The following BBX variants were observed in gnomAD, a reference collection of about 807,000 sequenced individuals.
The protein encoded by BBX is BBX high mobility group box domain containing.
In BBX, 30 loss-of-function variants were observed where a neutral mutation model predicts 100.2. That is an observed-to-expected ratio of 0.30 (90% CI 0.22 to 0.41). BBX has a LOEUF of 0.41. Ranked by LOEUF, BBX falls within the 10% of genes least tolerant of loss-of-function variation. BBX has a pLI of 1.00. For missense variants in BBX, 1,023 were observed against 1,129.8 expected (o/e 0.91, Z 1.35); for synonymous variants, 376 against 388.1 (o/e 0.97, Z 0.37).
In BBX at chr3:107,780,259, T is replaced by C. The variant is rs147500841; in HGVS notation, c.2203+1740T>C. On this transcript the variant is annotated intron_variant, in intron 13 of 17. Transcript: ENST00000325805. ...GACAAGCCAATAAAATGGAACTTAA[T>C]TGATAGATGTGCAGGACATTATTCC... Among the ~76,000 whole-genome samples, 234 of 152,252 alleles carry C rather than the reference T, an allele frequency of 1.5e-3. 6 individuals carry two copies. In the East Asian group the frequency reaches 0.038, roughly 25 times the overall value.
intron 5 of BBX, among the ~76,000 whole-genome samples, chr3:107,727,772 A>G (rs17206415): frequency 0.11 from 16,250 of 152,220 alleles, 1,155 homozygotes; most frequent in Admixed American, 0.15. Context: ...ATTGGGTAAA[A>G]TTAAAAGCTG....
At chr3:107,751,878 T>C (rs1378550558) in intron 9 of BBX, among the ~76,000 whole-genome samples, 1 of 152,222 alleles carries the variant, frequency 6.6e-6, no homozygotes, top group African/African-American at 2.4e-5. Context: ...TCCATTAAGT[T>C]GGTCAGAATG....
At chr3:107,743,918 G>GTTTTTTTTTTTTTTTTTTTTTTTTTTTA (rs34762783) in intron 7 of BBX, among the ~76,000 whole-genome samples, 1 of 56,622 alleles carries the variant, frequency 1.8e-5, no homozygotes, top group Non-Finnish European at 3.1e-5. Context: ...TGTTTTAGTG[G>GTTTTTTTTTTTTTTTTTTTTTTTTTTTA]TTTTTTTTTT....
rs115572399 is a variant in BBX at position 107,630,070 on chromosome 3, T to C, written c.-83-15766T>C. The stretch of plus-strand genomic sequence containing the variant: ...AATACTATCAATTTTTAACACTTAG[T>C]TGTTATCACTTCAGTCCTTCTATAT... On this transcript the variant is annotated intron_variant, in intron 2 of 17. Transcript: ENST00000325805. Among the ~76,000 whole-genome samples the C allele has an allele frequency of 3.7e-3, 558 of 152,316 alleles. 1 individual carries two copies. The highest frequency in any genetic ancestry group is 6.4e-3 in the Admixed American group (98 of 15,296).
intron 7 of BBX, among the ~76,000 whole-genome samples, chr3:107,743,918 G>GTTTTTTTTTTTTTTTTTTTTTTTTTTTTT (rs34762783): frequency 1.8e-5 from 1 of 56,620 alleles, no homozygotes; most frequent in Non-Finnish European, 3.1e-5. Flanking sequence ...TGTTTTAGTG[G>GTTTTTTTTTTTTTTTTTTTTTTTTTTTTT]TTTTTTTTTT....
chr3:107,557,808 A>G (rs2107459428), intron 2 of BBX, among the ~76,000 whole-genome samples: 1 of 152,312 alleles, frequency 6.6e-6, no homozygotes, highest in Non-Finnish European at 1.5e-5. Flanking sequence ...GATTGATTTC[A>G]GTTGTTAGTG....
At chr3:107,797,337 A>AATAT (rs369837058) in intron 15 of BBX, among the ~76,000 whole-genome samples, 464 of 39,324 alleles carry the variant, frequency 0.012, 70 homozygotes, top group East Asian at 0.044. Context: ...TTTTCTTCCA[A>AATAT]ATATATATAT....
chr3:107,708,440 C>T (rs374159961), intron 3 of BBX, among the ~76,000 whole-genome samples: 1 of 152,080 alleles, frequency 6.6e-6, no homozygotes. Context: ...CTTTGGGAGG[C>T]TGAGGTGGGC....
chr3:107,598,327 C>T (rs1312148857), intron 2 of BBX, among the ~76,000 whole-genome samples: 2 of 152,150 alleles, frequency 1.3e-5, no homozygotes, highest in Admixed American at 6.6e-5. Flanking sequence ...TCTTTTCCTG[C>T]GCATGAGTCT....
chr3:107,733,669 G>T (rs1020151527), intron 7 of BBX, among the ~76,000 whole-genome samples: 1 of 152,142 alleles, frequency 6.6e-6, no homozygotes, highest in African/African-American at 2.4e-5. Context: ...TAGAGACAGG[G>T]TTTTGCCATG....
Position 107,773,139 on chromosome 3 carries a change from G to T in BBX, c.1418G>T (p.Cys473Phe). The change falls in exon 11 of 18, where the codon TGC becomes TTC. Residue 473 changes from cysteine (C) to phenylalanine (F), a missense_variant. By Grantham distance (205) the Cys-to-Phe change is radical (BLOSUM62 -2). Coordinates refer to ENST00000325805, the MANE Select transcript of BBX (RefSeq NM_001142568.3). The surrounding 1 kb of genome is among the most constrained non-coding windows in gnomAD (Gnocchi z 4.1). ...GATAAATCCACACCCAAGAAGACTT[G>T]CAAAAAGAGGCAGTCTTCGGAATCT... is the stretch of plus-strand genomic sequence containing the variant. The part of the protein sequence containing the change: ...GNDKSTPKKT[C>F]KKRQSSESDI... 6.2e-7 allele frequency: 1 copy of T among 1,614,072 alleles called. No individual in the cohort carries two copies. The highest frequency in any genetic ancestry group is 8.5e-7 in the Non-Finnish European group (1 of 1,179,996).
At chr3:107,673,796 A>G (rs766705154) in intron 3 of BBX, among the ~76,000 whole-genome samples, 18 of 152,144 alleles carry the variant, frequency 1.2e-4, no homozygotes, top group Non-Finnish European at 1.9e-4. Flanking sequence ...AACTATTTTT[A>G]AAATAAAGAA....
chr3:107,565,289 TTTC>T (rs1431775158), intron 2 of BBX, among the ~76,000 whole-genome samples: 3 of 151,798 alleles, frequency 2.0e-5, no homozygotes, highest in Non-Finnish European at 4.4e-5. Context: ...ATCGTTTAGT[TTTC>T]TTCTCTTTAT....
At chr3:107,577,889 A>G (rs2051923896) in intron 2 of BBX, among the ~76,000 whole-genome samples, 1 of 152,136 alleles carries the variant, frequency 6.6e-6, no homozygotes, top group Non-Finnish European at 1.5e-5. Context: ...GCTATATTAG[A>G]AGTACTGTCT....
chr3:107,775,535 G>A (rs1228084136), intron 12 of BBX, among the ~76,000 whole-genome samples: 25 of 152,146 alleles, frequency 1.6e-4, no homozygotes, highest in Admixed American at 1.6e-3. Context: ...GAAAGTATCT[G>A]CATATTCAGT....
intron 10 of BBX, among the ~76,000 whole-genome samples, chr3:107,762,502 G>T (rs779449878): frequency 6.6e-6 from 1 of 152,168 alleles, no homozygotes; most frequent in Non-Finnish European, 1.5e-5. Context: ...TCTGGCACAA[G>T]CGTTCGGGTT....
chr3:107,623,722 C>T (rs763716200), intron 2 of BBX, among the ~76,000 whole-genome samples: 2 of 152,112 alleles, frequency 1.3e-5, no homozygotes, highest in Non-Finnish European at 2.9e-5. Flanking sequence ...AAAGTGAAGA[C>T]CCCTGAAACT....
At chr3:107,678,213 C>T (rs1289249011) in intron 3 of BBX, among the ~76,000 whole-genome samples, 1 of 151,878 alleles carries the variant, frequency 6.6e-6, no homozygotes, top group African/African-American at 2.4e-5. Flanking sequence ...TAACCAAGCT[C>T]CTGCTGTTTA....
At chr3:107,761,095 C>T (rs1254128697) in intron 10 of BBX, among the ~76,000 whole-genome samples, 2 of 152,178 alleles carry the variant, frequency 1.3e-5, no homozygotes, top group Non-Finnish European at 2.9e-5. Flanking sequence ...GCTCATTTCC[C>T]TCCTTTATAC....
Sources: allele counts gnomAD v4.1 joint callset (sites outside exome capture counted in the v4.1 genomes callset), GRCh38; gene constraint gnomAD v4.1.1; non-coding constraint Gnocchi (gnomAD v3.1); transcripts MANE v1.5; gene names NCBI Gene and HGNC (gene_info 2026-07-23, HGNC 2026-07-21).